Variants in TAPT1 observed in about 807,000 individuals in gnomAD.
TAPT1 encodes the protein transmembrane anterior posterior transformation protein 1 homolog.
TAPT1 carries 28 observed loss-of-function variants against 65.6 expected under a neutral mutation model. That is an observed-to-expected ratio of 0.43 (90% CI 0.32 to 0.59). The LOEUF is 0.59. Among genes scored for constraint, TAPT1 ranks in the 20% least tolerant of loss-of-function variants. The probability of loss-of-function intolerance (pLI) is 0.09; values close to 1 mark genes in which losing one functional copy is unlikely to be tolerated. For synonymous variants in TAPT1, 278 were observed against 245.2 expected, an observed-to-expected ratio of 1.13 and a Z score of -1.25; for missense variants, 563 against 679.9, an observed-to-expected ratio of 0.83 and a Z score of 1.91.
At chr4:16,225,816 C>A (rs1483472306) in intron 1 of TAPT1, 2 of 910,764 alleles carry the variant, frequency 2.2e-6, no homozygotes, top group East Asian at 1.2e-4. Context: ...ACTTGCAGGG[C>A]AAGTTAACAG....
intron 3 of TAPT1, chr4:16,196,664 G>T (rs758694667): frequency 7.8e-7 from 1 of 1,287,758 alleles, no homozygotes. Flanking sequence ...TCACCACAAG[G>T]AGTCCCTGTG....
upstream of TAPT1, chr4:16,226,994 C>G (rs1404483132): frequency 4.4e-6 from 2 of 451,058 alleles, no homozygotes; most frequent in Non-Finnish European, 8.9e-6. Flanking sequence ...CTGGCGCGGC[C>G]GCGGCGGCGG....
upstream of TAPT1, chr4:16,226,616 A>T (rs1751589443): frequency 3.1e-6 from 1 of 317,534 alleles, no homozygotes; most frequent in African/African-American, 2.4e-5. Context: ...GGCGTCAGCG[A>T]CGCGTGTGAG....
At chr4:16,204,472 A>G (rs1326259255) in intron 2 of TAPT1, among the ~76,000 whole-genome samples, 2 of 152,272 alleles carry the variant, frequency 1.3e-5, no homozygotes, top group African/African-American at 4.8e-5. Flanking sequence ...GCGATTTATC[A>G]AAATGTACAT....
At chr4:16,200,775 T>C (rs369363972) in intron 3 of TAPT1, among the ~76,000 whole-genome samples, 2 of 152,352 alleles carry the variant, frequency 1.3e-5, no homozygotes, top group East Asian at 1.9e-4. Context: ...TAAAATGCCA[T>C]GATATCATGA....
chr4:16,176,456 T>TA (rs1748332230), intron 8 of TAPT1: 2 of 284,650 alleles, frequency 7.0e-6, no homozygotes, highest in Non-Finnish European at 6.5e-6. Flanking sequence ...CTCACGCCTG[T>TA]AATCCCAGCA....
At chr4:16,173,028 T>C (rs1248008708) in intron 11 of TAPT1, among the ~76,000 whole-genome samples, 1 of 152,152 alleles carries the variant, frequency 6.6e-6, no homozygotes, top group Admixed American at 6.5e-5. Flanking sequence ...TTCACCAAGT[T>C]AGCCAGGCTG....
intron 2 of TAPT1, among the ~76,000 whole-genome samples, chr4:16,208,612 G>T (rs2149708542): frequency 6.6e-6 from 1 of 152,038 alleles, no homozygotes; most frequent in African/African-American, 2.4e-5. Flanking sequence ...AAGCCAATTT[G>T]CCAAGGATGG....
rs562148422 is a variant in TAPT1, at chr4:16,196,631, T to C, written c.450-5108A>G. ...ATGAATGTCAATTTGGCCAAGAGTA[T>C]AGAAGGAAAAATCAGGGTTTACTCA... On this transcript the variant is annotated intron_variant, in intron 3 of 13. Transcript: ENST00000405303. 86 of 1,236,326 alleles carry C rather than the reference T, an allele frequency of 7.0e-5. No homozygotes were observed. The South Asian group carries it at 9.1e-4, about 13-fold the overall frequency. The allele number at this position is 1,236,326 out of a possible 1,614,324, so 76.6% of individuals were successfully genotyped here. A position where few individuals can be genotyped will look rare whatever the true frequency, so the allele number is the denominator to read the frequency against.
chr4:16,218,555 C>G (rs1045976396), intron 1 of TAPT1, among the ~76,000 whole-genome samples: 3 of 152,166 alleles, frequency 2.0e-5, no homozygotes, highest in Admixed American at 6.5e-5. Flanking sequence ...CTGGTACCAG[C>G]TGTCTTAAAC....
Position 16,163,166 on chromosome 4 carries a change from G to T in TAPT1, c.*142C>A. The T allele has an allele frequency of 1.4e-6, 1 of 703,660 alleles. No individual in the cohort carries two copies. 43.6% of individuals were successfully genotyped at this position (703,660 alleles called of 1,614,324 possible). On this transcript the variant is annotated 3_prime_UTR_variant, in exon 14 of 14. Transcript: ENST00000405303. ...CCTCAGCCAGGCCATATTACTGGAAGAAAGATACTAAGATTTGCTTGCCAA... is the reference window on the plus strand; with the variant it reads ...CCTCAGCCAGGCCATATTACTGGAATAAAGATACTAAGATTTGCTTGCCAA...
chr4:16,181,553 TTAAAGG>T (rs745891396), intron 7 of TAPT1, among the ~76,000 whole-genome samples: 3 of 152,198 alleles, frequency 2.0e-5, no homozygotes, highest in Non-Finnish European at 4.4e-5. Context: ...ACTTATCTCA[TTAAAGG>T]TGTATTTAAG....
At chr4:16,215,820 C>T (rs938286071) in intron 1 of TAPT1, among the ~76,000 whole-genome samples, 2 of 152,126 alleles carry the variant, frequency 1.3e-5, no homozygotes, top group Admixed American at 6.5e-5. Flanking sequence ...ATATGTTCTA[C>T]GCTGGCTAGA....
chr4:16,176,498 C>T, intron 8 of TAPT1: 1 of 209,466 alleles, frequency 4.8e-6, no homozygotes, highest in Non-Finnish European at 9.4e-6. Context: ...GAGTTTGAGA[C>T]CAGCCTGGCC....
At chr4:16,188,814 G>A (rs28675908) in intron 4 of TAPT1, among the ~76,000 whole-genome samples, 73 of 152,188 alleles carry the variant, frequency 4.8e-4, no homozygotes, top group African/African-American at 1.8e-3. Flanking sequence ...CAGCTACTCG[G>A]GAGGCTGAGG....
intron 8 of TAPT1, 64 bp downstream of exon 8, chr4:16,179,513 G>A: frequency 1.0e-6 from 1 of 1,002,534 alleles, no homozygotes; most frequent in Non-Finnish European, 1.4e-6. Flanking sequence ...TTTATTCCAT[G>A]TAAAAGAATG....
At chr4:16,187,095 C>T (rs901837650) in intron 5 of TAPT1, among the ~76,000 whole-genome samples, 5 of 152,276 alleles carry the variant, frequency 3.3e-5, no homozygotes, top group African/African-American at 1.2e-4. Context: ...AAATGTACCT[C>T]TATGCATTCA....
intron 1 of TAPT1, among the ~76,000 whole-genome samples, chr4:16,225,070 T>C (rs528514416): frequency 6.6e-6 from 1 of 152,358 alleles, no homozygotes; most frequent in Admixed American, 6.5e-5. Context: ...GTAAATACTC[T>C]TGAAAGCAAA....
chr4:16,218,160 T>C (rs1751046636), intron 1 of TAPT1, among the ~76,000 whole-genome samples: 1 of 152,234 alleles, frequency 6.6e-6, no homozygotes, highest in Non-Finnish European at 1.5e-5. Flanking sequence ...CCCATCAATT[T>C]TGGGAGGCCA....
Sources: gnomAD v4.1 joint callset for allele counts (sites outside exome capture counted in the v4.1 genomes callset) on GRCh38, gnomAD v4.1.1 for gene constraint, MANE v1.5 for transcripts, NCBI Gene and HGNC (gene_info 2026-07-23, HGNC 2026-07-21) for gene names.